Variants in GPC5 observed in about 807,000 individuals in gnomAD.
The protein encoded by GPC5 is glypican 5.
A neutral mutation model predicts 53.9 loss-of-function variants in GPC5; 47 were observed. That is an observed-to-expected ratio of 0.87 (90% CI 0.69 to 1.11). GPC5 has a LOEUF of 1.11. Ranked by LOEUF, GPC5 falls within the 50% of genes most tolerant of loss-of-function variation. The pLI, the probability that GPC5 is intolerant of heterozygous loss-of-function variation, is 0.00. For missense variants in GPC5, 748 were observed against 713.1 expected (o/e 1.05, Z -0.56); for synonymous variants, 286 against 263.3 (o/e 1.09, Z -0.84).
chr13:92,173,776 G>A (rs180695118), intron 7 of GPC5, among the ~76,000 whole-genome samples: 8 of 152,186 alleles, frequency 5.3e-5, no homozygotes, highest in Admixed American at 4.6e-4. Context: ...TTATTATTAT[G>A]AGCCAACAAA....
intron 6 of GPC5, among the ~76,000 whole-genome samples, chr13:92,011,650 A>G (rs1439886375): frequency 6.6e-6 from 1 of 152,208 alleles, no homozygotes; most frequent in East Asian, 1.9e-4. Context: ...GGAATTAGAA[A>G]ACAGCTATTG....
intron 7 of GPC5, among the ~76,000 whole-genome samples, chr13:92,594,327 G>A (rs1883802517): frequency 6.6e-6 from 1 of 152,102 alleles, no homozygotes; most frequent in Non-Finnish European, 1.5e-5. Context: ...TTTGATAAGG[G>A]GTTAAAAGGC....
At chr13:92,719,224 C>T (rs1888433204) in intron 7 of GPC5, among the ~76,000 whole-genome samples, 1 of 149,666 alleles carries the variant, frequency 6.7e-6, no homozygotes, top group Admixed American at 6.7e-5. Flanking sequence ...TTATCTGATT[C>T]CCAGGTTATT....
chr13:92,841,799 A>G (rs1046011479), intron 7 of GPC5, among the ~76,000 whole-genome samples: 1 of 151,950 alleles, frequency 6.6e-6, no homozygotes, highest in Non-Finnish European at 1.5e-5. Context: ...CTTTTTCCTT[A>G]TGATTTATTT....
intron 2 of GPC5, among the ~76,000 whole-genome samples, chr13:91,615,337 T>G (rs1566554757): frequency 6.6e-6 from 1 of 152,178 alleles, no homozygotes; most frequent in Non-Finnish European, 1.5e-5. Context: ...GGAGGGAAGA[T>G]AGGGAAAGGT....
chr13:91,789,212 C>T (rs1265805292), intron 5 of GPC5, among the ~76,000 whole-genome samples: 1 of 129,868 alleles, frequency 7.7e-6, no homozygotes, highest in African/African-American at 3.3e-5. Context: ...AAGTCCATCT[C>T]AAAAAAGAAA....
rs1886057055 is a variant in GPC5 at position 91,525,777 on chromosome 13, A to G, written c.325+76855A>G. Reference sequence around the variant, plus strand: ...ACTGCAATTACTGTAGTGTTTTTCTAACAATAATGTCGCACTTAGCAGTTA... The same window carrying G: ...ACTGCAATTACTGTAGTGTTTTTCTGACAATAATGTCGCACTTAGCAGTTA... On this transcript the variant is annotated intron_variant, in intron 2 of 7. Transcript: ENST00000377067. 2.6e-5 allele frequency among the ~76,000 whole-genome samples: 4 copies of G among 152,300 alleles called. No homozygotes were observed. The South Asian group carries it at 8.3e-4, about 32-fold the overall frequency.
rs1324047083 is a variant in GPC5, at chr13:92,031,714, C to T, written c.1402-113116C>T. On this transcript the variant is annotated intron_variant, in intron 6 of 7. Transcript: ENST00000377067. The stretch of plus-strand genomic sequence containing the variant: ...TATATATAATATATTATATATATTA[C>T]ATATATGTAATATATTACATATTAT... 3.9e-3 allele frequency among the ~76,000 whole-genome samples: 88 copies of T among 22,850 alleles called. 1 individual carries two copies. The highest frequency in any genetic ancestry group is 0.021 in the Middle Eastern group (1 of 48). The allele number at this position is 22,850 out of a possible 152,430, so 15.0% of individuals were successfully genotyped here. A position where few individuals can be genotyped will look rare whatever the true frequency, so the allele number is the denominator to read the frequency against.
intron 2 of GPC5, among the ~76,000 whole-genome samples, chr13:91,615,657 C>T (rs2033676147): frequency 6.6e-6 from 1 of 152,134 alleles, no homozygotes; most frequent in South Asian, 2.1e-4. Context: ...AGGGCTTCCC[C>T]ATCTCCAAGA....
intron 6 of GPC5, among the ~76,000 whole-genome samples, chr13:92,045,015 A>G (rs770120680): frequency 6.6e-6 from 1 of 152,244 alleles, no homozygotes; most frequent in Non-Finnish European, 1.5e-5. Flanking sequence ...ATAGCAAGTC[A>G]GAGTGAGAAG....
intron 2 of GPC5, among the ~76,000 whole-genome samples, chr13:91,503,719 G>A (rs571925249): frequency 6.6e-6 from 1 of 150,690 alleles, no homozygotes; most frequent in East Asian, 2.0e-4. Flanking sequence ...GTTGGAGGTT[G>A]CAGTGAGCCA....
chr13:92,858,928 ACTTT>A (rs1374512978), intron 7 of GPC5, among the ~76,000 whole-genome samples: 1 of 152,188 alleles, frequency 6.6e-6, no homozygotes, highest in Admixed American at 6.6e-5. Context: ...ATAGATAATT[ACTTT>A]CTTTCATGTT....
intron 7 of GPC5, among the ~76,000 whole-genome samples, chr13:92,452,973 A>T (rs1878125404): frequency 6.6e-6 from 1 of 152,232 alleles, no homozygotes; most frequent in Non-Finnish European, 1.5e-5. Context: ...TAAACTCGGG[A>T]GAACTGGCTT....
chr13:91,934,233 A>T (rs1483995165), intron 6 of GPC5, among the ~76,000 whole-genome samples: 1 of 151,920 alleles, frequency 6.6e-6, no homozygotes, highest in Non-Finnish European at 1.5e-5. Flanking sequence ...GTTGGCAATG[A>T]TTTAGAGGCA....
In GPC5 at chr13:92,105,587, T is replaced by A. The variant is rs2041503560; in HGVS notation, c.1402-39243T>A. Among the ~76,000 whole-genome samples the A allele has an allele frequency of 1.3e-5, 2 of 152,046 alleles. 1 individual carries two copies. Among genetic ancestry groups the A allele is most frequent in the South Asian group, 4.1e-4 (2 of 4,830 alleles). On this transcript the variant is annotated intron_variant, in intron 6 of 7. Coordinates refer to ENST00000377067, the MANE Select transcript of GPC5 (RefSeq NM_004466.6). ...GAATCATATTCTTTGTATTTTAGAA[T>A]CAAGGTATGTTCTTACTTGGTGTTT...
At chr13:91,954,276 G>A (rs1238672830) in intron 6 of GPC5, among the ~76,000 whole-genome samples, 3 of 152,050 alleles carry the variant, frequency 2.0e-5, no homozygotes, top group African/African-American at 4.8e-5. Flanking sequence ...ATGTTAAAGA[G>A]ATTGCAAGAA....
At chr13:91,948,072 C>CA (rs1400363015) in intron 6 of GPC5, among the ~76,000 whole-genome samples, 2 of 151,412 alleles carry the variant, frequency 1.3e-5, no homozygotes, top group South Asian at 2.1e-4. Context: ...ACTAAAAATA[C>CA]AAAAAAATTG....
intron 7 of GPC5, among the ~76,000 whole-genome samples, chr13:92,549,799 T>G (rs1268150806): frequency 6.6e-6 from 1 of 151,750 alleles, no homozygotes; most frequent in Non-Finnish European, 1.5e-5. Flanking sequence ...TTCAAGTAAT[T>G]TTTATAAACC....
At chr13:91,449,066 G>A (rs2139097178) in intron 2 of GPC5, 144 bp downstream of exon 2, 1 of 924,660 alleles carries the variant, frequency 1.1e-6, no homozygotes, top group Admixed American at 2.9e-5. Flanking sequence ...ACTTTTTCTA[G>A]CCTTCAAAAC....
Sources: allele counts gnomAD v4.1 joint callset (sites outside exome capture counted in the v4.1 genomes callset), GRCh38; gene constraint gnomAD v4.1.1; transcripts MANE v1.5; gene names NCBI Gene and HGNC (gene_info 2026-07-23, HGNC 2026-07-21).